HS6ST3: variants seen among roughly 807,000 people sequenced by gnomAD.
The protein encoded by HS6ST3 is heparan sulfate 6-O-sulfotransferase 3, also known as heparan-sulfate 6-O-sulfotransferase 3.
HS6ST3 carries 12 observed loss-of-function variants against 36.7 expected under a neutral mutation model. The observed-to-expected ratio is 0.33, with a 90% CI of 0.21 to 0.53. The LOEUF (loss-of-function observed/expected upper bound fraction) is 0.53, where lower values mean the gene tolerates loss of function less well. Among genes scored for constraint, HS6ST3 ranks in the 20% least tolerant of loss-of-function variants. The pLI, the probability that HS6ST3 is intolerant of heterozygous loss-of-function variation, is 0.95. For missense variants in HS6ST3, 584 were observed against 640.9 expected (o/e 0.91, Z 0.96); for synonymous variants, 240 against 257.5 (o/e 0.93, Z 0.65).
chr13:96,788,003 A>T (rs1229296899), intron 1 of HS6ST3, among the ~76,000 whole-genome samples: 1 of 151,974 alleles, frequency 6.6e-6, no homozygotes, highest in Non-Finnish European at 1.5e-5. Context: ...CATTTGTTGA[A>T]GACACTATCA....
At chr13:96,199,751 A>T (rs1432982451) in intron 1 of HS6ST3, among the ~76,000 whole-genome samples, 1 of 152,232 alleles carries the variant, frequency 6.6e-6, no homozygotes, top group African/African-American at 2.4e-5. Context: ...GCCTACCAAG[A>T]AACAACCCTT....
intron 1 of HS6ST3, among the ~76,000 whole-genome samples, chr13:96,810,249 C>G (rs1878289201): frequency 6.6e-6 from 1 of 152,088 alleles, no homozygotes; most frequent in Non-Finnish European, 1.5e-5. Context: ...AAACCTTGCT[C>G]CATTTGTCCT....
chr13:96,292,764 T>G (rs1225307056), intron 1 of HS6ST3, among the ~76,000 whole-genome samples: 1 of 152,158 alleles, frequency 6.6e-6, no homozygotes, highest in Non-Finnish European at 1.5e-5. Flanking sequence ...TAGAATAACT[T>G]TAGTCTTCTT....
At chr13:96,660,199 A>G (rs1305744208) in intron 1 of HS6ST3, among the ~76,000 whole-genome samples, 1 of 152,140 alleles carries the variant, frequency 6.6e-6, no homozygotes, top group African/African-American at 2.4e-5. Flanking sequence ...CTGAGTTTCT[A>G]TCAAGATTCT....
chr13:96,639,223 A>G (rs546707439), intron 1 of HS6ST3, among the ~76,000 whole-genome samples: 3 of 152,024 alleles, frequency 2.0e-5, no homozygotes, highest in East Asian at 1.9e-4. Flanking sequence ...TTAGGTCCAT[A>G]TATGTTTAAA....
At chr13:96,324,484 A>G (rs1380774105) in intron 1 of HS6ST3, among the ~76,000 whole-genome samples, 1 of 152,158 alleles carries the variant, frequency 6.6e-6, no homozygotes, top group East Asian at 1.9e-4. Context: ...AGAGATGACA[A>G]ATGCTGTGAG....
At chr13:96,313,087 G>A (rs1293012663) in intron 1 of HS6ST3, among the ~76,000 whole-genome samples, 2 of 151,736 alleles carry the variant, frequency 1.3e-5, no homozygotes, top group Non-Finnish European at 2.9e-5. Flanking sequence ...ATAAATAGTG[G>A]TATCATCTTC....
intron 1 of HS6ST3, among the ~76,000 whole-genome samples, chr13:96,551,571 C>A (rs2138948788): frequency 6.6e-6 from 1 of 152,270 alleles, no homozygotes; most frequent in East Asian, 1.9e-4. Context: ...AAAATAAACA[C>A]AAAGTCATTA....
intron 1 of HS6ST3, among the ~76,000 whole-genome samples, chr13:96,600,755 A>T (rs914156686): frequency 1.3e-5 from 2 of 151,952 alleles, no homozygotes; most frequent in Admixed American, 6.6e-5. Context: ...TTACTGTTTT[A>T]TAAGCCCTGT....
intron 1 of HS6ST3, among the ~76,000 whole-genome samples, chr13:96,642,470 T>C (rs562861345): frequency 1.5e-4 from 23 of 152,072 alleles, no homozygotes; most frequent in African/African-American, 4.8e-4. Flanking sequence ...TTGAATATTC[T>C]TTCTGCTCCT....
chr13:96,739,716 C>T (rs1027715071), intron 1 of HS6ST3, among the ~76,000 whole-genome samples: 4 of 152,158 alleles, frequency 2.6e-5, no homozygotes, highest in Admixed American at 6.6e-5. Flanking sequence ...TTAATGGTCA[C>T]GCCACTCCTC....
chr13:96,835,503 G>GTCTCTCTC lies in HS6ST3; in HGVS notation c.*2319_*2326dup, dbSNP rs3832883. On this transcript the variant is annotated 3_prime_UTR_variant, in exon 2 of 2. Coordinates refer to ENST00000376705, the MANE Select transcript of HS6ST3 (RefSeq NM_153456.4). ...AGGATTGCAGCTGGGATTAATGTTC[G>GTCTCTCTC]TCTCTCTCTCTCTCTCTCTCTAGCT... The GTCTCTCTC allele has an allele frequency of 2.7e-5, 4 of 148,526 alleles. No individual in the cohort carries two copies. The highest frequency in any genetic ancestry group is 5.0e-5 in the African/African-American group (2 of 40,192). 9.2% of individuals were successfully genotyped at this position (148,526 alleles called of 1,614,324 possible).
chr13:96,362,645 A>G (rs1324636400), intron 1 of HS6ST3, among the ~76,000 whole-genome samples: 10 of 152,200 alleles, frequency 6.6e-5, no homozygotes. Context: ...TGCTCAACTC[A>G]TGGATCTCTC....
chr13:96,091,382 C>A lies in HS6ST3; in HGVS notation c.520C>A (p.Pro174Thr). The A allele has an allele frequency of 6.2e-7, 1 of 1,613,976 alleles. No homozygotes were observed. Among genetic ancestry groups the A allele is most frequent in the Non-Finnish European group, 8.5e-7 (1 of 1,179,980 alleles). ...HLVKNIRLEQ[P>T]CSCKAGQKKC... is the part of the protein sequence containing the mutation. ...GGTGAAGAACATCCGGCTGGAGCAG[C>A]CTTGTAGCTGCAAAGCGGGTCAGAA... is the stretch of plus-strand genomic sequence containing the variant. The change falls in exon 1 of 2, where the codon CCT (proline) becomes ACT (threonine). Residue 174 changes from proline to threonine, a missense_variant. Transcript: ENST00000376705.
At chr13:96,257,828 G>A (rs2054644631) in intron 1 of HS6ST3, among the ~76,000 whole-genome samples, 3 of 152,204 alleles carry the variant, frequency 2.0e-5, no homozygotes, top group Admixed American at 2.0e-4. Flanking sequence ...AAGAAGAACA[G>A]TAGGAAATAC....
intron 1 of HS6ST3, among the ~76,000 whole-genome samples, chr13:96,562,628 T>C (rs2056266387): frequency 6.6e-6 from 1 of 152,162 alleles, no homozygotes; most frequent in Non-Finnish European, 1.5e-5. Context: ...ATTTTTAAAA[T>C]CTAGAGCCAA....
At chr13:96,501,166 G>C (rs115254886) in intron 1 of HS6ST3, among the ~76,000 whole-genome samples, 1 of 152,144 alleles carries the variant, frequency 6.6e-6, no homozygotes, top group Admixed American at 6.5e-5. Flanking sequence ...CTGCTGATGT[G>C]TCTGGCTGAT....
intron 1 of HS6ST3, among the ~76,000 whole-genome samples, chr13:96,445,915 G>C (rs1281279556): frequency 6.6e-6 from 1 of 151,894 alleles, no homozygotes; most frequent in Non-Finnish European, 1.5e-5. Flanking sequence ...CCTCACGCCT[G>C]TAATCCCAGC....
intron 1 of HS6ST3, among the ~76,000 whole-genome samples, chr13:96,430,634 G>C (rs1040066679): frequency 6.6e-6 from 1 of 152,098 alleles, no homozygotes; most frequent in Admixed American, 6.6e-5. Flanking sequence ...TTACCACCTG[G>C]ACTTCCAGCC....
Sources: gnomAD v4.1 joint callset for allele counts (sites outside exome capture counted in the v4.1 genomes callset) on GRCh38, gnomAD v4.1.1 for gene constraint, MANE v1.5 for transcripts, NCBI Gene and HGNC (gene_info 2026-07-23, HGNC 2026-07-21) for gene names.